Variants in DNAH7 observed in about 807,000 individuals in gnomAD.
DNAH7 encodes dynein axonemal heavy chain 7, also known as axonemal beta dynein heavy chain 7.
In DNAH7, 397 loss-of-function variants were observed where a neutral mutation model predicts 444.6. The observed-to-expected ratio is 0.89, with a 90% CI of 0.82 to 0.97. DNAH7 has a LOEUF of 0.97. Ranked by LOEUF, DNAH7 falls within the 50% of genes least tolerant of loss-of-function variation. The probability of loss-of-function intolerance (pLI) is 0.00; values close to 1 mark genes in which losing one functional copy is unlikely to be tolerated. For missense variants in DNAH7, 4,902 were observed against 4,800.8 expected (o/e 1.02, Z -0.62); for synonymous variants, 1,636 against 1,624.4 (o/e 1.01, Z -0.17).
chr2:196,046,066 C>T (rs1472565067), intron 5 of DNAH7, among the ~76,000 whole-genome samples: 1 of 144,550 alleles, frequency 6.9e-6, no homozygotes, highest in African/African-American at 2.5e-5. Context: ...AACACAGAAA[C>T]AAAAAAAAAA....
intron 63 of DNAH7, among the ~76,000 whole-genome samples, chr2:195,745,862 G>A (rs1693368890): frequency 6.6e-6 from 1 of 152,150 alleles, no homozygotes; most frequent in African/African-American, 2.4e-5. Context: ...ACTAAACATG[G>A]AAAGAACAAC....
chr2:195,865,208 T>C (rs1005277411), intron 40 of DNAH7, among the ~76,000 whole-genome samples, 187 bp from the exon 41 acceptor site: 3 of 152,198 alleles, frequency 2.0e-5, no homozygotes, highest in African/African-American at 7.2e-5. Flanking sequence ...TAACTCTATA[T>C]TTAGAATAAT....
chr2:195,801,974 C>T (rs927649724), intron 54 of DNAH7, among the ~76,000 whole-genome samples: 5 of 152,122 alleles, frequency 3.3e-5, no homozygotes, highest in Admixed American at 2.0e-4. Flanking sequence ...TGCCTGATAG[C>T]ATGGACCTAC....
rs1346849833 is a variant in DNAH7 at position 195,888,998 on chromosome 2, T to C, written c.5047-17A>G. On this transcript the variant is annotated splice_polypyrimidine_tract_variant and intron_variant, in intron 31 of 64. Transcript: ENST00000312428. The stretch of plus-strand genomic sequence containing the variant: ...ATCTGGAGTCTGTTTCATGCATATG[T>C]GAACAGAGGGCAAAAACGTAATGAT... The C allele has an allele frequency of 6.3e-7, 1 of 1,595,648 alleles. No individual in the cohort carries two copies. Among genetic ancestry groups the C allele is most frequent in the South Asian group, 1.2e-5 (1 of 85,898 alleles).
intron 12 of DNAH7, among the ~76,000 whole-genome samples, chr2:195,990,120 T>C (rs894318504): frequency 2.0e-5 from 3 of 152,160 alleles, no homozygotes; most frequent in Non-Finnish European, 2.9e-5. Context: ...TTGCCTGTGT[T>C]TTTGAGGTCT....
chr2:195,770,016 C>T (rs534804092), intron 61 of DNAH7, among the ~76,000 whole-genome samples: 2 of 152,182 alleles, frequency 1.3e-5, no homozygotes, highest in Non-Finnish European at 1.5e-5. Flanking sequence ...CTTGCCCAGA[C>T]TTTCCACTTG....
At chr2:195,900,567 C>T in intron 27 of DNAH7, 73 bp from the exon 28 acceptor site, 1 of 1,360,830 alleles carries the variant, frequency 7.3e-7, no homozygotes, top group Non-Finnish European at 1.0e-6. Flanking sequence ...ATAAATACCA[C>T]ACGCTCTCAC....
chr2:196,029,599 A>C (rs1167080162), intron 5 of DNAH7, among the ~76,000 whole-genome samples: 1 of 152,058 alleles, frequency 6.6e-6, no homozygotes, highest in African/African-American at 2.4e-5. Context: ...TATAATCCTC[A>C]CACCTATTGT....
chr2:195,931,887 G>T (rs1215877475), intron 21 of DNAH7, among the ~76,000 whole-genome samples: 6 of 152,112 alleles, frequency 3.9e-5, no homozygotes, highest in Non-Finnish European at 5.9e-5. Context: ...TTTGGCTTAG[G>T]ATTGACTTGG....
At chr2:195,975,814 G>A (rs185156297) in intron 15 of DNAH7, among the ~76,000 whole-genome samples, 66 of 152,330 alleles carry the variant, frequency 4.3e-4, no homozygotes, top group Admixed American at 7.2e-4. Flanking sequence ...ACATGGGCCA[G>A]AAGAAAACCC....
At chr2:195,875,268 G>C in intron 38 of DNAH7, among the ~76,000 whole-genome samples, 1 of 152,160 alleles carries the variant, frequency 6.6e-6, no homozygotes, top group East Asian at 1.9e-4. Context: ...CTATACAATT[G>C]AAGCATTAAG....
chr2:196,047,662 A>T (rs1201504261), intron 4 of DNAH7, among the ~76,000 whole-genome samples, 163 bp from the exon 5 acceptor site: 1 of 151,300 alleles, frequency 6.6e-6, no homozygotes, highest in African/African-American at 2.4e-5. Context: ...AGGTTAAACT[A>T]CTCCTCTTTT....
At chr2:195,855,053 G>T (rs1699612080) in intron 45 of DNAH7, among the ~76,000 whole-genome samples, 1 of 152,186 alleles carries the variant, frequency 6.6e-6, no homozygotes, top group Non-Finnish European at 1.5e-5. Flanking sequence ...CAGAAACTGG[G>T]TTGACGATGG....
chr2:195,984,773 C>T, intron 14 of DNAH7, 63 bp from the exon 15 acceptor site: 1 of 1,377,090 alleles, frequency 7.3e-7, no homozygotes, highest in Non-Finnish European at 1.0e-6. Flanking sequence ...AAAATATATT[C>T]CTGTATACTG....
Position 195,756,129 on chromosome 2 carries a change from T to G in DNAH7, c.11586+4A>C, listed in dbSNP as rs1326604303. The G allele has an allele frequency of 1.9e-6, 3 of 1,593,998 alleles. No individual in the cohort carries two copies. On this transcript the variant is annotated splice_donor_region_variant and intron_variant, in intron 62 of 64. Coordinates refer to ENST00000312428, the MANE Select transcript of DNAH7 (RefSeq NM_018897.3). ...ACAATATACGATCATTTAGACGAAC[T>G]TACCTGCAAGAATTTTAGTCTTGCA...
At chr2:195,754,295 A>G (rs769874921) in intron 63 of DNAH7, 42 bp downstream of exon 63, 2 of 1,549,706 alleles carry the variant, frequency 1.3e-6, no homozygotes, top group Admixed American at 1.8e-5. Flanking sequence ...GTTTTTGTTC[A>G]GTGCCCAGAT....
intron 36 of DNAH7, among the ~76,000 whole-genome samples, chr2:195,878,118 C>G (rs1701162652): frequency 6.6e-6 from 1 of 152,148 alleles, no homozygotes; most frequent in South Asian, 2.1e-4. Context: ...AATGACATGT[C>G]TGAGTAAAGC....
chr2:195,965,797 G>T (rs540713462), intron 17 of DNAH7, among the ~76,000 whole-genome samples: 16 of 152,168 alleles, frequency 1.1e-4, no homozygotes, highest in African/African-American at 3.9e-4. Context: ...AGTTTCTACA[G>T]AATTAGTTGT....
At chr2:195,835,844 A>G (rs1269450830) in intron 47 of DNAH7, among the ~76,000 whole-genome samples, 1 of 152,216 alleles carries the variant, frequency 6.6e-6, no homozygotes, top group Non-Finnish European at 1.5e-5. Flanking sequence ...CTCTGTCTCA[A>G]ACAAAACAAA....
Sources: allele counts gnomAD v4.1 joint callset (sites outside exome capture counted in the v4.1 genomes callset), GRCh38; gene constraint gnomAD v4.1.1; transcripts MANE v1.5; gene names NCBI Gene and HGNC (gene_info 2026-07-23, HGNC 2026-07-21).